Variants in KCNT1 observed in about 807,000 individuals in gnomAD.
KCNT1 encodes the protein potassium sodium-activated channel subfamily T member 1.
A neutral mutation model predicts 147.8 loss-of-function variants in KCNT1; 78 were observed. That is an observed-to-expected ratio of 0.53 (90% confidence interval 0.44 to 0.64). The LOEUF (loss-of-function observed/expected upper bound fraction) is 0.64. KCNT1 is among the 30% of genes least tolerant of loss of function. KCNT1 has a pLI of 0.00. For synonymous variants in KCNT1, 867 were observed against 748.8 expected (o/e 1.16, Z -2.58); for missense variants, 1,419 against 1,750.3 (o/e 0.81, Z 3.38).
intron 1 of KCNT1, among the ~76,000 whole-genome samples, chr9:135,711,789 C>T (rs780154906): frequency 2.0e-5 from 3 of 152,186 alleles, no homozygotes; most frequent in African/African-American, 4.8e-5. Flanking sequence ...GCACGCTGGG[C>T]GCCGGCCACC....
At position 135,779,682 on chromosome 9, in the gene KCNT1, G is replaced by A. The variant is rs7024528; in HGVS notation, c.2841+212G>A. 0.02 allele frequency among the ~76,000 whole-genome samples: 3,072 copies of A among 152,338 alleles called. 93 individuals are homozygous for A. The highest frequency in any genetic ancestry group is 0.067 in the African/African-American group (2,770 of 41,570). ...ATGGAGGCAGGGCGTTTCCCTGACCGCGTGTGAGGCACTGGGAATGTGGCC... is the reference window on the plus strand; with the variant it reads ...ATGGAGGCAGGGCGTTTCCCTGACCACGTGTGAGGCACTGGGAATGTGGCC... On this transcript the variant is annotated intron_variant, in intron 24 of 30. Transcript: ENST00000371757.
In KCNT1 at chr9:135,752,601, ATGGATGGT is replaced by A. The variant is rs1216024631; in HGVS notation, c.435-1328_435-1321del. 2.8e-6 allele frequency: 1 copy of A among 353,222 alleles called. No individual in the cohort carries two copies. Among genetic ancestry groups the A allele is most frequent in the Non-Finnish European group, 5.6e-6 (1 of 178,000 alleles). The allele number at this position is 353,222 out of a possible 1,614,324, so 21.9% of individuals were successfully genotyped here. A position where few individuals can be genotyped will look rare whatever the true frequency, so the allele number is the denominator to read the frequency against. Reference sequence around the variant, plus strand: ...GGGTGGGAAGATGGGTGGATGATGGATGGATGGTTGGATGGATGGTGGATGATGGATGG... The same window carrying A: ...GGGTGGGAAGATGGGTGGATGATGGATGGATGGATGGTGGATGATGGATGG... On this transcript the variant is annotated intron_variant, in intron 4 of 30. Transcript: ENST00000371757. This position sits in a 1 kb window ranked among gnomAD's most constrained non-coding sequence, Gnocchi z 5.1.
At chr9:135,756,953 G>C (rs1279658142) in intron 7 of KCNT1, 21 bp downstream of exon 7, 10 of 1,607,812 alleles carry the variant, frequency 6.2e-6, no homozygotes, top group Admixed American at 1.7e-5. Flanking sequence ...GCCCGGGATG[G>C]CACCTCACAG....
intron 10 of KCNT1, 39 bp downstream of exon 10, chr9:135,758,547 G>A: frequency 6.5e-7 from 1 of 1,549,136 alleles, no homozygotes; most frequent in South Asian, 1.1e-5. Flanking sequence ...CCAGGACGTT[G>A]GGAGGGCCCG....
At chr9:135,759,418 C>G (rs1424430451) in intron 10 of KCNT1, among the ~76,000 whole-genome samples, 1 of 152,182 alleles carries the variant, frequency 6.6e-6, no homozygotes, top group Non-Finnish European at 1.5e-5. Flanking sequence ...GGGAATTCGC[C>G]GTGAACAGAG....
intron 1 of KCNT1, among the ~76,000 whole-genome samples, chr9:135,711,513 C>G (rs1835486318): frequency 6.6e-6 from 1 of 152,242 alleles, no homozygotes; most frequent in African/African-American, 2.4e-5. Flanking sequence ...GGATTCCATG[C>G]CACCACCTGG....
chr9:135,765,579 G>A, intron 12 of KCNT1, 45 bp from the exon 13 acceptor site: 2 of 1,579,766 alleles, frequency 1.3e-6, no homozygotes, highest in South Asian at 1.1e-5. Flanking sequence ...GCCCGGGCGG[G>A]GCAGGGGCTG....
rs1831235385 is a variant in KCNT1, at chr9:135,752,528, G to A, written c.435-1409G>A. 4.5e-6 allele frequency: 2 copies of A among 441,260 alleles called. No homozygotes were observed. The highest frequency in any genetic ancestry group is 4.5e-6 in the Non-Finnish European group (1 of 220,744). 27.3% of individuals were successfully genotyped at this position (441,260 alleles called of 1,614,324 possible). On this transcript the variant is annotated intron_variant, in intron 4 of 30. Transcript: ENST00000371757. This position sits in a 1 kb window ranked among gnomAD's most constrained non-coding sequence, Gnocchi z 5.1. The stretch of plus-strand genomic sequence containing the variant: ...TCACATCCCCACAGGGCCCAAGTCT[G>A]TTGTGTTCACTGCCCGTCCCCTAGC...
chr9:135,776,570 G>A (rs945114066), intron 20 of KCNT1, among the ~76,000 whole-genome samples: 2 of 152,186 alleles, frequency 1.3e-5, no homozygotes, highest in Non-Finnish European at 1.5e-5. Flanking sequence ...CCTGCCATCT[G>A]TGGATGGTTT....
intron 18 of KCNT1, 33 bp from the exon 19 acceptor site, chr9:135,772,682 C>T (rs1035200974): frequency 5.6e-5 from 76 of 1,346,644 alleles, no homozygotes; most frequent in East Asian, 2.4e-4. Flanking sequence ...GGGTGGGAGT[C>T]GGGCTGTGGC....
At chr9:135,756,428 C>A (rs1371361359) in intron 6 of KCNT1, among the ~76,000 whole-genome samples, 1 of 152,192 alleles carries the variant, frequency 6.6e-6, no homozygotes, top group Admixed American at 6.5e-5. Flanking sequence ...ATGTCTCCAT[C>A]TGAGACCAGA....
Position 135,714,886 on chromosome 9 carries a change from G to T in KCNT1, c.254+166G>T, listed in dbSNP as rs1835659492. On this transcript the variant is annotated intron_variant, in intron 2 of 30. Transcript: ENST00000371757. This position sits in a 1 kb window ranked among gnomAD's most constrained non-coding sequence, Gnocchi z 6.2. The stretch of plus-strand genomic sequence containing the variant: ...CGCAGAAGTTTCGGAGGGGGTGCGG[G>T]CAGGGGGAAGCATCTTCTCGGGAGG... Among the ~76,000 whole-genome samples the T allele has an allele frequency of 1.3e-5, 2 of 152,322 alleles. No homozygotes were observed. The highest frequency in any genetic ancestry group is 4.8e-5 in the African/African-American group (2 of 41,592).
At chr9:135,734,715 G>C (rs530251213) in intron 2 of KCNT1, among the ~76,000 whole-genome samples, 2 of 152,168 alleles carry the variant, frequency 1.3e-5, no homozygotes, top group Non-Finnish European at 2.9e-5. Flanking sequence ...GGGTGGGCGC[G>C]CGCGTTTGCC....
chr9:135,788,065 C>G lies in KCNT1; in HGVS notation c.3502+1544C>G, dbSNP rs12555229. The G allele has an allele frequency of 0.27, 411,355 of 1,506,234 alleles. 63,631 individuals are homozygous for G. The highest frequency in any genetic ancestry group is 0.64 in the African/African-American group (46,516 of 72,786). The allele number at this position is 1,506,234 out of a possible 1,614,324, so 93.3% of individuals were successfully genotyped here. ...GCTTGCTGATATTCTCTCTCTCTCT[C>G]TTTCTGTCTGTGCCTCTTTCTGTGT... On this transcript the variant is annotated intron_variant, in intron 29 of 30. Transcript: ENST00000371757.
chr9:135,774,515 G>A (rs1833010716), intron 19 of KCNT1, among the ~76,000 whole-genome samples: 1 of 149,858 alleles, frequency 6.7e-6, no homozygotes, highest in Non-Finnish European at 1.5e-5. Context: ...CATATGTTGT[G>A]TGTCTGTGTG....
chr9:135,721,047 CGAG>C (rs1430134757), intron 2 of KCNT1, among the ~76,000 whole-genome samples: 3 of 152,146 alleles, frequency 2.0e-5, no homozygotes, highest in Non-Finnish European at 2.9e-5. Flanking sequence ...CGTGAAGGTT[CGAG>C]GAGGAGTCGG....
rs781354446 is a variant in KCNT1 at position 135,714,753 on chromosome 9, C to G, written c.254+33C>G. The G allele has an allele frequency of 3.3e-6, 4 of 1,228,268 alleles. No individual in the cohort carries two copies. Among genetic ancestry groups the G allele is most frequent in the South Asian group, 2.3e-5 (1 of 42,878 alleles). 76.1% of individuals were successfully genotyped at this position (1,228,268 alleles called of 1,614,324 possible). On this transcript the variant is annotated intron_variant, in intron 2 of 30. Coordinates refer to ENST00000371757, the MANE Select transcript of KCNT1 (RefSeq NM_020822.3). The surrounding 1 kb of genome is among the most constrained non-coding windows in gnomAD (Gnocchi z 6.2). ...CCGGGCGCGGGGTGGGGGCTGGGGT[C>G]GCCGTCCCGGCGCCGCCGCACGCCC...
At chr9:135,748,942 G>GC (rs34750652) in intron 2 of KCNT1, among the ~76,000 whole-genome samples, 28,713 of 152,158 alleles carry the variant, frequency 0.19, 3,157 homozygotes, top group African/African-American at 0.29. Flanking sequence ...GGAGGGCACA[G>GC]GGCCATGGCT....
At chr9:135,704,782 G>A (rs893211336) in intron 1 of KCNT1, among the ~76,000 whole-genome samples, 2 of 152,236 alleles carry the variant, frequency 1.3e-5, no homozygotes, top group Non-Finnish European at 2.9e-5. Context: ...AGCCCTCCAG[G>A]CCCATATTAG....
Sources: gnomAD v4.1 joint callset for allele counts (sites outside exome capture counted in the v4.1 genomes callset) on GRCh38, gnomAD v4.1.1 for gene constraint, Gnocchi (gnomAD v3.1) non-coding constraint, MANE v1.5 for transcripts, NCBI Gene and HGNC (gene_info 2026-07-23, HGNC 2026-07-21) for gene names.